Variants in PARVB observed in about 807,000 individuals in gnomAD.
The protein encoded by PARVB is parvin beta.
PARVB carries 46 observed loss-of-function variants against 47.0 expected under a neutral mutation model. That is an observed-to-expected ratio of 0.98 (90% CI 0.77 to 1.25). PARVB has a LOEUF of 1.25. Among genes scored for constraint, PARVB ranks in the 50% most tolerant of loss-of-function variants. PARVB has a pLI of 0.00. For missense variants in PARVB, 473 were observed against 471.6 expected (o/e 1.00, Z -0.03); for synonymous variants, 196 against 196.3 (o/e 1.00, Z 0.01).
intron 1 of PARVB, among the ~76,000 whole-genome samples, chr22:44,034,551 G>A (rs2050885591): frequency 6.6e-6 from 1 of 151,792 alleles, no homozygotes; most frequent in African/African-American, 2.4e-5. Context: ...ACACCACCAT[G>A]CCCAGCTCTT....
At chr22:44,111,734 C>T (rs949791962) in intron 3 of PARVB, 4 of 151,920 alleles carry the variant, frequency 2.6e-5, no homozygotes, top group Non-Finnish European at 4.4e-5. Context: ...AGGTGTGAGC[C>T]GCTGCCCCAG....
rs370387096 is a variant in PARVB at position 44,166,519 on chromosome 22, C to T, written c.1019-2083C>T. ...TTGCCCCTGAGCCCGGATGTGTTTC[C>T]TACTCATCTGCCGCTGGACGGCACG... On this transcript the variant is annotated intron_variant, in intron 12 of 12. Coordinates refer to ENST00000338758, the MANE Select transcript of PARVB (RefSeq NM_013327.5). Among the ~76,000 whole-genome samples the T allele has an allele frequency of 4.3e-4, 65 of 152,348 alleles. 2 individuals carry two copies. The South Asian group carries it at 5.4e-3, about 13-fold the overall frequency.
chr22:44,056,742 G>A (rs867116765), intron 1 of PARVB, among the ~76,000 whole-genome samples: 3 of 151,862 alleles, frequency 2.0e-5, no homozygotes, highest in East Asian at 3.9e-4. Flanking sequence ...CTGGGCTCAA[G>A]TGATCCTCCT....
In PARVB at chr22:44,172,581, T is replaced by C. The variant is rs374067468; in HGVS notation, c.*3903T>C. 1 of 207,910 alleles carries C rather than the reference T, an allele frequency of 4.8e-6. No individual in the cohort carries two copies. The allele number at this position is 207,910 out of a possible 1,614,324, so 12.9% of individuals were successfully genotyped here. ...CCCCTTTGACGCCCACACAGTGTTA[T>C]GCAAGCACCGAGCCCAGAGTCCCGC... is the stretch of plus-strand genomic sequence containing the variant. On this transcript the variant is annotated 3_prime_UTR_variant, in exon 13 of 13. Transcript: ENST00000338758.
chr22:44,101,362 A>C (rs941599094), intron 3 of PARVB, among the ~76,000 whole-genome samples: 7 of 151,904 alleles, frequency 4.6e-5, no homozygotes, highest in African/African-American at 1.5e-4. Context: ...GTGAGCCGAG[A>C]TCGCGCCACT....
intron 1 of PARVB, among the ~76,000 whole-genome samples, chr22:44,083,486 G>C (rs2051954871): frequency 6.6e-6 from 1 of 152,180 alleles, no homozygotes; most frequent in Non-Finnish European, 1.5e-5. Flanking sequence ...TCATTGTCAT[G>C]TGCACGGGGA....
rs562590606 is a variant in PARVB, at chr22:44,016,099, C to CTTTTT, written c.211+16437_211+16441dup. The stretch of plus-strand genomic sequence containing the variant: ...TCTTTTTCTTTTTCTTTCTTTCTTT[C>CTTTTT]TTTTTTTTTTTTTTTGAGATGGAGT... On this transcript the variant is annotated intron_variant, in intron 2 of 13. Coordinates refer to the PARVB transcript ENST00000406477. 2.5e-4 allele frequency among the ~76,000 whole-genome samples: 32 copies of CTTTTT among 129,174 alleles called. 1 individual carries two copies. Among genetic ancestry groups the CTTTTT allele is most frequent in the African/African-American group, 7.1e-4 (24 of 33,674 alleles). The allele number at this position is 129,174 out of a possible 152,430, so 84.7% of individuals were successfully genotyped here.
chr22:44,046,580 G>A (rs929326963), intron 1 of PARVB, among the ~76,000 whole-genome samples: 8 of 152,252 alleles, frequency 5.3e-5, no homozygotes, highest in African/African-American at 1.7e-4. Flanking sequence ...CTGGCACAGA[G>A]AACACTGCCC....
intron 1 of PARVB, among the ~76,000 whole-genome samples, chr22:44,040,527 G>A (rs1846754784): frequency 6.6e-6 from 1 of 152,116 alleles, no homozygotes; most frequent in Non-Finnish European, 1.5e-5. Context: ...AGAGAGAAGT[G>A]ACCATGGAGG....
chr22:44,015,546 C>A (rs901420196), intron 2 of PARVB, among the ~76,000 whole-genome samples: 7 of 152,270 alleles, frequency 4.6e-5, no homozygotes, highest in African/African-American at 1.7e-4. Flanking sequence ...GGGCTGGGCG[C>A]GGTGACTCAT....
intron 4 of PARVB, among the ~76,000 whole-genome samples, chr22:44,131,109 C>T (rs2053305819): frequency 8.7e-6 from 1 of 115,226 alleles, no homozygotes; most frequent in Non-Finnish European, 1.7e-5. Context: ...TCTCTCCTTC[C>T]TTCCTTCCTT....
Position 44,024,439 on chromosome 22 carries a change from A to G in PARVB, c.100A>G (p.Arg34Gly). 3 of 1,180,230 alleles carry G rather than the reference A, an allele frequency of 2.5e-6. No individual in the cohort carries two copies. The highest frequency in any genetic ancestry group is 4.5e-5 in the Admixed American group (1 of 22,142). The allele number at this position is 1,180,230 out of a possible 1,614,324, so 73.1% of individuals were successfully genotyped here. A position where few individuals can be genotyped will look rare whatever the true frequency, so the allele number is the denominator to read the frequency against. ...GGGCGGCACCCTGGCCAGGAAGCGGAGGGCGCGCGAGGGTGAGTGCGCGCC... is the reference window on the plus strand; with the variant it reads ...GGGCGGCACCCTGGCCAGGAAGCGGGGGGCGCGCGAGGGTGAGTGCGCGCC... ...KLGGTLARKR[R>G]AREVSDLQEE... Residue 34 changes from arginine (R) to glycine (G), a missense_variant, in exon 1 of 13, where the codon AGG (arginine) becomes GGG (glycine). Coordinates refer to ENST00000338758, the MANE Select transcript of PARVB (RefSeq NM_013327.5).
chr22:44,154,975 G>A (rs1349236903), intron 10 of PARVB, among the ~76,000 whole-genome samples: 1 of 134,784 alleles, frequency 7.4e-6, no homozygotes, highest in Non-Finnish European at 1.5e-5. Context: ...TAGTCTGTGT[G>A]GTGTGTGTGT....
At chr22:44,160,791 AG>A (rs1352557246) in intron 11 of PARVB, among the ~76,000 whole-genome samples, 4 of 152,186 alleles carry the variant, frequency 2.6e-5, no homozygotes, top group Admixed American at 2.0e-4. Flanking sequence ...GAGGCTTGGA[AG>A]GGGCTTTGCT....
chr22:44,103,695 AG>A lies in PARVB; in HGVS notation c.273+3575del, dbSNP rs1380719501. ...GTGTGTTCGCTAGTGTCTGTATAAG[AG>A]GGACATGGGGAGCTTTGACTGCCCA... On this transcript the variant is annotated intron_variant, in intron 3 of 12. Coordinates refer to ENST00000338758, the MANE Select transcript of PARVB (RefSeq NM_013327.5). The surrounding 1 kb of genome is among the most constrained non-coding windows in gnomAD (Gnocchi z 4.6). 1 of 152,232 alleles carries A rather than the reference AG, an allele frequency of 6.6e-6. No homozygotes were observed. Among genetic ancestry groups the A allele is most frequent in the African/African-American group, 2.4e-5 (1 of 41,450 alleles). 9.4% of individuals were successfully genotyped at this position (152,232 alleles called of 1,614,324 possible).
At chr22:44,095,542 CAATT>C (rs1361146041) in intron 2 of PARVB, among the ~76,000 whole-genome samples, 3 of 151,854 alleles carry the variant, frequency 2.0e-5, no homozygotes, top group African/African-American at 7.3e-5. Flanking sequence ...ATGCAAAACA[CAATT>C]AATATGCTTC....
chr22:44,006,028 C>G (rs920643875), intron 2 of PARVB, among the ~76,000 whole-genome samples: 4 of 152,214 alleles, frequency 2.6e-5, no homozygotes, highest in African/African-American at 4.8e-5. Context: ...ACTGCAGTCT[C>G]AACTCCCTGG....
At chr22:44,158,676 G>A (rs974131929) in intron 11 of PARVB, among the ~76,000 whole-genome samples, 3 of 152,178 alleles carry the variant, frequency 2.0e-5, no homozygotes, top group Admixed American at 2.0e-4. Context: ...CACGCCACCC[G>A]GTCCCGCTGT....
intron 1 of PARVB, among the ~76,000 whole-genome samples, chr22:44,031,012 G>A (rs2050817055): frequency 6.6e-6 from 1 of 152,190 alleles, no homozygotes; most frequent in African/African-American, 2.4e-5. Flanking sequence ...AGAGGGGATG[G>A]TGGAGGTCCT....
Sources: allele counts gnomAD v4.1 joint callset (sites outside exome capture counted in the v4.1 genomes callset), GRCh38; gene constraint gnomAD v4.1.1; non-coding constraint Gnocchi (gnomAD v3.1); transcripts MANE v1.5; gene names NCBI Gene and HGNC (gene_info 2026-07-23, HGNC 2026-07-21).